Variants in SLC35D2 observed in about 807,000 individuals in gnomAD.
SLC35D2 encodes solute carrier family 35 member D2.
In SLC35D2, 43 loss-of-function variants were observed where a neutral mutation model predicts 41.8. The ratio of observed to expected loss-of-function variants is 1.03; its 90% CI spans 0.81 to 1.33. The LOEUF is 1.33. Among genes scored for constraint, SLC35D2 ranks in the 40% most tolerant of loss-of-function variants. SLC35D2 has a pLI of 0.00. For synonymous variants in SLC35D2, 150 were observed against 163.9 expected, an observed-to-expected ratio of 0.92 and a Z score of 0.65; for missense variants, 380 against 408.4, an observed-to-expected ratio of 0.93 and a Z score of 0.60.
At chr9:96,339,033 T>A (rs1829183686) in intron 8 of SLC35D2, among the ~76,000 whole-genome samples, 1 of 152,242 alleles carries the variant, frequency 6.6e-6, no homozygotes, top group Non-Finnish European at 1.5e-5. Flanking sequence ...ACTCTATATG[T>A]GTTCCTGATA....
At chr9:96,372,477 A>G (rs1460371265) in intron 1 of SLC35D2, among the ~76,000 whole-genome samples, 2 of 152,130 alleles carry the variant, frequency 1.3e-5, no homozygotes, top group Non-Finnish European at 2.9e-5. Context: ...AAAGAAGAAA[A>G]GAAACTTTTT....
chr9:96,321,405 T>C, intron 11 of SLC35D2, 64 bp from the exon 12 acceptor site: 2 of 1,180,152 alleles, frequency 1.7e-6, no homozygotes, highest in Middle Eastern at 1.9e-4. Context: ...CAGCAGCAGT[T>C]GCTGGCGTTT....
chr9:96,340,835 C>T lies in SLC35D2; in HGVS notation c.684+3069G>A, dbSNP rs111789921. Among the ~76,000 whole-genome samples, 379 of 152,060 alleles carry T rather than the reference C, an allele frequency of 2.5e-3. 1 individual carries two copies. The highest frequency in any genetic ancestry group is 8.5e-3 in the African/African-American group (354 of 41,464). On this transcript the variant is annotated intron_variant, in intron 8 of 11. Coordinates refer to ENST00000253270, the MANE Select transcript of SLC35D2 (RefSeq NM_007001.3). ...TTTCAATGATTAGCAGTCACTCTGG[C>T]GGCTCGAAGGTACTTACAGACTTTC...
chr9:96,359,054 C>CA (rs1167829616), intron 4 of SLC35D2, among the ~76,000 whole-genome samples: 10 of 152,142 alleles, frequency 6.6e-5, no homozygotes, highest in African/African-American at 2.4e-4. Context: ...CCTGTAATCC[C>CA]AGCACTTTGA....
At chr9:96,347,652 T>C (rs1274949139) in intron 6 of SLC35D2, among the ~76,000 whole-genome samples, 1 of 152,144 alleles carries the variant, frequency 6.6e-6, no homozygotes, top group Non-Finnish European at 1.5e-5. Flanking sequence ...GTACTGGGAT[T>C]GTCAGAGGCG....
At chr9:96,324,052 T>G (rs1220533179) in intron 10 of SLC35D2, 39 bp downstream of exon 10, 2 of 1,546,762 alleles carry the variant, frequency 1.3e-6, no homozygotes, top group Non-Finnish European at 1.8e-6. Context: ...TTTCCATTCC[T>G]TGACTCAGTT....
At chr9:96,327,093 G>A (rs1828571675) in intron 9 of SLC35D2, among the ~76,000 whole-genome samples, 3 of 152,204 alleles carry the variant, frequency 2.0e-5, no homozygotes, top group African/African-American at 7.2e-5. Flanking sequence ...CGCAGGGGCA[G>A]AGAGGAGCTT....
At position 96,371,007 on chromosome 9, in the gene SLC35D2, T is replaced by C. The variant is rs118166760; in HGVS notation, c.159-2702A>G. Among the ~76,000 whole-genome samples, 240 of 152,216 alleles carry C rather than the reference T, an allele frequency of 1.6e-3. 5 individuals carry two copies. The South Asian group carries it at 0.037, about 23-fold the overall frequency. Reference sequence around the variant, plus strand: ...GAATGACCAACACCTGAGGTGATCATAGTGCATGCAGAGGAAAACAACTTT... The same window carrying C: ...GAATGACCAACACCTGAGGTGATCACAGTGCATGCAGAGGAAAACAACTTT... On this transcript the variant is annotated intron_variant, in intron 1 of 11. Coordinates refer to ENST00000253270, the MANE Select transcript of SLC35D2 (RefSeq NM_007001.3).
chr9:96,382,023 C>T (rs1669536482), intron 1 of SLC35D2, among the ~76,000 whole-genome samples: 1 of 152,124 alleles, frequency 6.6e-6, no homozygotes, highest in African/African-American at 2.4e-5. Flanking sequence ...TTTCTGTCTC[C>T]ACCACTGAAG....
At chr9:96,338,781 T>A (rs1829173551) in intron 8 of SLC35D2, among the ~76,000 whole-genome samples, 1 of 152,154 alleles carries the variant, frequency 6.6e-6, no homozygotes, top group East Asian at 1.9e-4. Context: ...GCAGAAAACT[T>A]CCAAAAGAAT....
At chr9:96,317,528 G>C (rs1828082113), downstream of SLC35D2, among the ~76,000 whole-genome samples, 1 of 152,142 alleles carries the variant, frequency 6.6e-6, no homozygotes. Context: ...CTGCTGGGCT[G>C]CTCTTAGGGT....
Position 96,376,525 on chromosome 9 carries a change from C to T in SLC35D2, c.158+6952G>A, listed in dbSNP as rs1830969256. On this transcript the variant is annotated intron_variant, in intron 1 of 11. Coordinates refer to ENST00000253270, the MANE Select transcript of SLC35D2 (RefSeq NM_007001.3). ...TTGGGAGGCTGAGGCAGAAGAACTG[C>T]TTAAACACGGGAGGTGGAGATTGCA... Among the ~76,000 whole-genome samples, 3 of 152,138 alleles carry T rather than the reference C, an allele frequency of 2.0e-5. No individual in the cohort carries two copies. The South Asian group carries it at 6.2e-4, about 31-fold the overall frequency.
intron 9 of SLC35D2, among the ~76,000 whole-genome samples, chr9:96,328,249 A>AT (rs11400127): frequency 0.65 from 99,424 of 151,842 alleles, 33,590 homozygotes; most frequent in East Asian, 0.87. Context: ...ACCATTCTAT[A>AT]TTTTTTAGAT....
intron 1 of SLC35D2, among the ~76,000 whole-genome samples, chr9:96,373,043 G>A (rs900016706): frequency 2.0e-5 from 3 of 151,722 alleles, no homozygotes; most frequent in Non-Finnish European, 4.4e-5. Flanking sequence ...GGGATTACAG[G>A]CACCCACCAC....
In SLC35D2 at chr9:96,361,814, C is replaced by T. The variant is rs79721463; in HGVS notation, c.280-1593G>A. Among the ~76,000 whole-genome samples the T allele has an allele frequency of 1.7e-3, 255 of 152,164 alleles. 5 individuals are homozygous for T. The East Asian group carries it at 0.046, about 28-fold the overall frequency. On this transcript the variant is annotated intron_variant, in intron 3 of 11. Transcript: ENST00000253270. The stretch of plus-strand genomic sequence containing the variant: ...GAAGGTGGCCGTCTGTAAGCCAGGA[C>T]GCAAAGCCTCACCAGAAGTCAACCC...
intron 1 of SLC35D2, among the ~76,000 whole-genome samples, chr9:96,371,638 T>C (rs536832959): frequency 1.3e-5 from 2 of 151,256 alleles, no homozygotes; most frequent in South Asian, 2.1e-4. Context: ...TAAAGAAATA[T>C]ATATCTTTGA....
In SLC35D2 at chr9:96,360,335, A is replaced by C. The variant is rs1830210373; in HGVS notation, c.280-114T>G. ...CAGAGAGGATCTTCAAACAGGCATT[A>C]AAAAAATGATTTTGGCGGGGCGCAG... On this transcript the variant is annotated intron_variant, in intron 3 of 11. Coordinates refer to ENST00000253270, the MANE Select transcript of SLC35D2 (RefSeq NM_007001.3). 2.1e-5 allele frequency: 18 copies of C among 865,720 alleles called. No individual in the cohort carries two copies. In the South Asian group the frequency reaches 2.6e-4, roughly 13 times the overall value. The allele number at this position is 865,720 out of a possible 1,614,324, so 53.6% of individuals were successfully genotyped here. A position where few individuals can be genotyped will look rare whatever the true frequency, so the allele number is the denominator to read the frequency against.
intron 4 of SLC35D2, among the ~76,000 whole-genome samples, chr9:96,358,924 T>C (rs1355169566): frequency 6.6e-6 from 1 of 151,932 alleles, no homozygotes; most frequent in Admixed American, 6.6e-5. Context: ...GAGGTTGCAG[T>C]GAGCCAAGAT....
downstream of SLC35D2, among the ~76,000 whole-genome samples, chr9:96,316,620 C>G (rs571492018): frequency 6.6e-6 from 1 of 152,210 alleles, no homozygotes; most frequent in South Asian, 2.1e-4. Flanking sequence ...TTCTAAGAGC[C>G]CCCAAGTTAC....
Sources: gnomAD v4.1 joint callset for allele counts (sites outside exome capture counted in the v4.1 genomes callset) on GRCh38, gnomAD v4.1.1 for gene constraint, MANE v1.5 for transcripts, NCBI Gene and HGNC (gene_info 2026-07-23, HGNC 2026-07-21) for gene names.